Variants in HAPLN1 observed in about 807,000 individuals in gnomAD.
The protein encoded by HAPLN1 is hyaluronan and proteoglycan link protein 1, also known as Cartilage link protein.
Under a neutral mutation model 36.5 loss-of-function variants are expected in HAPLN1, and 13 were observed. The observed-to-expected ratio is 0.36, with a 90% CI of 0.23 to 0.57. The LOEUF (loss-of-function observed/expected upper bound fraction) is 0.57. Ranked by LOEUF, HAPLN1 falls within the 20% of genes least tolerant of loss-of-function variation. HAPLN1 has a pLI of 0.83. For missense variants in HAPLN1, 407 were observed against 439.7 expected, an observed-to-expected ratio of 0.93 and a Z score of 0.66; for synonymous variants, 202 against 169.8, an observed-to-expected ratio of 1.19 and a Z score of -1.48.
At chr5:83,696,150 T>G (rs762502109) in intron 1 of HAPLN1, among the ~76,000 whole-genome samples, 1 of 152,046 alleles carries the variant, frequency 6.6e-6, no homozygotes, top group Non-Finnish European at 1.5e-5. Flanking sequence ...AAATTGAAAT[T>G]TAAAGAATAC....
At chr5:83,658,707 A>G (rs906162116) in intron 2 of HAPLN1, among the ~76,000 whole-genome samples, 2 of 152,100 alleles carry the variant, frequency 1.3e-5, no homozygotes, top group Admixed American at 1.3e-4. Context: ...AGAAGAACCT[A>G]TCTTTTGGTC....
intron 1 of HAPLN1, chr5:83,682,552 G>A (rs563948429): frequency 3.9e-5 from 6 of 152,176 alleles, no homozygotes; most frequent in East Asian, 3.9e-4. Context: ...CCTCATCTCC[G>A]TTGGCTGAGT....
chr5:83,653,411 T>C (rs1750130332), intron 2 of HAPLN1, among the ~76,000 whole-genome samples: 1 of 152,216 alleles, frequency 6.6e-6, no homozygotes, highest in African/African-American at 2.4e-5. Context: ...TTCTGAAATA[T>C]TTCAGGAAAT....
intron 1 of HAPLN1, among the ~76,000 whole-genome samples, chr5:83,706,854 C>G (rs748379967): frequency 6.6e-6 from 1 of 152,116 alleles, no homozygotes; most frequent in Non-Finnish European, 1.5e-5. Flanking sequence ...CTCAAAATCT[C>G]CTTCAGCTGA....
At chr5:83,692,598 A>G (rs896713104) in intron 1 of HAPLN1, among the ~76,000 whole-genome samples, 1 of 151,960 alleles carries the variant, frequency 6.6e-6, no homozygotes, top group Non-Finnish European at 1.5e-5. Flanking sequence ...TAATTCATCA[A>G]TAGCCTACAC....
At chr5:83,718,884 G>A (rs1222220998) in intron 1 of HAPLN1, among the ~76,000 whole-genome samples, 2 of 152,146 alleles carry the variant, frequency 1.3e-5, no homozygotes, top group Non-Finnish European at 2.9e-5. Flanking sequence ...TATAACTTTT[G>A]TTCATCTTTA....
chr5:83,670,853 C>T (rs111748830), intron 2 of HAPLN1, among the ~76,000 whole-genome samples: 12,502 of 152,018 alleles, frequency 0.082, 877 homozygotes, highest in East Asian at 0.17. Context: ...TGCCACCACG[C>T]CCGGCTAATT....
At chr5:83,662,465 A>G (rs1474184039) in intron 2 of HAPLN1, among the ~76,000 whole-genome samples, 1 of 152,228 alleles carries the variant, frequency 6.6e-6, no homozygotes, top group African/African-American at 2.4e-5. Flanking sequence ...TGGATAAATA[A>G]CTAGCATTTA....
intron 1 of HAPLN1, among the ~76,000 whole-genome samples, chr5:83,712,828 A>T (rs577889304): frequency 1.4e-3 from 209 of 145,922 alleles, no homozygotes; most frequent in Non-Finnish European, 2.4e-3. Context: ...GAATGATTGA[A>T]TTTTTTTTTT....
intron 2 of HAPLN1, among the ~76,000 whole-genome samples, chr5:83,664,958 T>C (rs754579960): frequency 1.3e-4 from 20 of 152,294 alleles, no homozygotes; most frequent in Non-Finnish European, 2.4e-4. Context: ...TTTAAGCTCT[T>C]AATTAAGACC....
intron 1 of HAPLN1, among the ~76,000 whole-genome samples, chr5:83,695,062 A>C (rs1751360340): frequency 6.6e-6 from 1 of 152,244 alleles, no homozygotes; most frequent in African/African-American, 2.4e-5. Flanking sequence ...AAATGGATTA[A>C]TACAAAATGG....
At chr5:83,651,583 A>C (rs922539893) in intron 3 of HAPLN1, among the ~76,000 whole-genome samples, 4 of 22,170 alleles carry the variant, frequency 1.8e-4, no homozygotes, top group African/African-American at 1.3e-3. Flanking sequence ...AAAAGGTCAA[A>C]TAGTGACACA....
At chr5:83,677,874 C>T (rs943590760) in intron 1 of HAPLN1, among the ~76,000 whole-genome samples, 16 of 152,126 alleles carry the variant, frequency 1.1e-4, no homozygotes, top group Non-Finnish European at 2.1e-4. Flanking sequence ...CAGATAAATC[C>T]TCCCATAAAA....
intron 1 of HAPLN1, chr5:83,674,322 G>A (rs901401605): frequency 6.6e-6 from 1 of 152,292 alleles, no homozygotes; most frequent in Non-Finnish European, 1.5e-5. Flanking sequence ...TGCAGGGAAC[G>A]TCCCTGCCAG....
intron 2 of HAPLN1, 112 bp from the exon 3 acceptor site, chr5:83,652,936 G>C: frequency 2.9e-6 from 3 of 1,045,628 alleles, no homozygotes; most frequent in Non-Finnish European, 4.0e-6. Context: ...ATAGCTTTGA[G>C]TGGTTAGCTT....
At chr5:83,691,197 C>T (rs1320590346) in intron 1 of HAPLN1, among the ~76,000 whole-genome samples, 1 of 152,016 alleles carries the variant, frequency 6.6e-6, no homozygotes, top group African/African-American at 2.4e-5. Flanking sequence ...AAAACTTGAG[C>T]TGAGGCGTTG....
intron 4 of HAPLN1, 74 bp from the exon 5 acceptor site, chr5:83,641,859 C>CG: frequency 6.8e-7 from 1 of 1,461,060 alleles, no homozygotes; most frequent in South Asian, 1.3e-5. Flanking sequence ...GAGCCAAAAA[C>CG]GGAAGTGTTT....
intron 1 of HAPLN1, among the ~76,000 whole-genome samples, chr5:83,694,292 G>A (rs1043018090): frequency 3.3e-5 from 5 of 151,932 alleles, no homozygotes; most frequent in Non-Finnish European, 7.4e-5. Context: ...ATGCAGTGAA[G>A]CAATACTTAG....
intron 3 of HAPLN1, among the ~76,000 whole-genome samples, chr5:83,647,504 T>C (rs1353041838): frequency 1.3e-5 from 2 of 152,192 alleles, no homozygotes; most frequent in African/African-American, 4.8e-5. Context: ...GGAACTTCAT[T>C]ATTGTTAGTA....
Sources: gnomAD v4.1 joint callset for allele counts (sites outside exome capture counted in the v4.1 genomes callset) on GRCh38, gnomAD v4.1.1 for gene constraint, MANE v1.5 for transcripts, NCBI Gene and HGNC (gene_info 2026-07-23, HGNC 2026-07-21) for gene names.